Variants in SOX6 observed in about 807,000 individuals in gnomAD.
The protein encoded by SOX6 is SRY-box transcription factor 6.
SOX6 carries 11 observed loss-of-function variants against 97.8 expected under a neutral mutation model. That is an observed-to-expected ratio of 0.11 (90% CI 0.07 to 0.19). SOX6 has a LOEUF of 0.19. SOX6 is among the 10% of genes least tolerant of loss of function. The probability of loss-of-function intolerance (pLI) is 1.00; values close to 1 mark genes in which losing one functional copy is unlikely to be tolerated. For synonymous variants in SOX6, 360 were observed against 371.4 expected (o/e 0.97, Z 0.35); for missense variants, 810 against 1,039.5 (o/e 0.78, Z 3.04).
At chr11:16,691,802 G>T (rs1180079444) in intron 3 of SOX6, among the ~76,000 whole-genome samples, 2 of 152,044 alleles carry the variant, frequency 1.3e-5, no homozygotes, top group Non-Finnish European at 2.9e-5. Flanking sequence ...TGACTCAAAA[G>T]AAAGGAAGGG....
At chr11:16,054,636 C>T (rs2133919680) in intron 10 of SOX6, among the ~76,000 whole-genome samples, 1 of 152,248 alleles carries the variant, frequency 6.6e-6, no homozygotes, top group Admixed American at 6.5e-5. Context: ...AAAACAATTT[C>T]AGTGATTATA....
intron 4 of SOX6, among the ~76,000 whole-genome samples, chr11:16,541,198 A>G (rs1222168508): frequency 6.6e-6 from 1 of 152,058 alleles, no homozygotes; most frequent in Non-Finnish European, 1.5e-5. Flanking sequence ...CTTTGACAAA[A>G]CTAACAAAAA....
chr11:16,513,372 C>T (rs1183041870), intron 4 of SOX6, among the ~76,000 whole-genome samples: 1 of 152,222 alleles, frequency 6.6e-6, no homozygotes, highest in African/African-American at 2.4e-5. Context: ...GTGGCTCAGG[C>T]CTGTAATCCC....
chr11:16,325,220 T>C (rs1408570004), intron 2 of SOX6, among the ~76,000 whole-genome samples: 1 of 152,116 alleles, frequency 6.6e-6, no homozygotes, highest in Admixed American at 6.6e-5. Context: ...ATAGAAATAA[T>C]TTATTCACAA....
chr11:15,996,309 T>G (rs1393850992), intron 13 of SOX6, among the ~76,000 whole-genome samples: 2 of 152,102 alleles, frequency 1.3e-5, no homozygotes, highest in African/African-American at 4.8e-5. Context: ...GGTTTCATAG[T>G]GAATCCTTAG....
At chr11:15,974,320 T>C (rs1853398938) in intron 15 of SOX6, among the ~76,000 whole-genome samples, 3 of 150,552 alleles carry the variant, frequency 2.0e-5, no homozygotes, top group South Asian at 4.2e-4. Flanking sequence ...TCTGAATCTA[T>C]GAAGAAGTAG....
At chr11:16,627,964 A>G (rs1033184827) in intron 3 of SOX6, among the ~76,000 whole-genome samples, 1 of 152,030 alleles carries the variant, frequency 6.6e-6, no homozygotes, top group East Asian at 1.9e-4. Context: ...ATCTTGAGTT[A>G]ATTTTTATAT....
At chr11:16,164,194 CCTG>C (rs1345216281) in intron 6 of SOX6, among the ~76,000 whole-genome samples, 2 of 152,096 alleles carry the variant, frequency 1.3e-5, no homozygotes. Context: ...GTCTCAAACT[CCTG>C]GGCTCAAGCA....
At chr11:16,084,007 A>G (rs1848527357) in intron 9 of SOX6, among the ~76,000 whole-genome samples, 1 of 152,104 alleles carries the variant, frequency 6.6e-6, no homozygotes, top group African/African-American at 2.4e-5. Context: ...CAATAACATG[A>G]CATTTGTTTC....
intron 12 of SOX6, among the ~76,000 whole-genome samples, chr11:16,041,026 C>T (rs1362829484): frequency 6.6e-6 from 1 of 151,968 alleles, no homozygotes; most frequent in Non-Finnish European, 1.5e-5. Flanking sequence ...CTCTAATGTG[C>T]CCTGCATTCT....
Position 16,356,130 on chromosome 11 carries a change from T to C in SOX6, c.-41A>G, listed in dbSNP as rs1425458069. ...GCTCTTCCACTCTTCAATCCGGCTTTCTCTTACCACATCAGCCAGAACTTC... is the reference window on the plus strand; with the variant it reads ...GCTCTTCCACTCTTCAATCCGGCTTCCTCTTACCACATCAGCCAGAACTTC... On this transcript the variant is annotated 5_prime_UTR_variant, in exon 1 of 16. Transcript: ENST00000683767. 6.6e-6 allele frequency among the ~76,000 whole-genome samples: 1 copy of C among 151,440 alleles called. No individual in the cohort carries two copies. The highest frequency in any genetic ancestry group is 1.5e-5 in the Non-Finnish European group (1 of 67,912).
At chr11:16,709,140 T>G (rs2134046402) in intron 3 of SOX6, among the ~76,000 whole-genome samples, 1 of 152,268 alleles carries the variant, frequency 6.6e-6, no homozygotes, top group East Asian at 1.9e-4. Context: ...GGGAGGTGAT[T>G]GCATCATTGG....
At chr11:16,709,527 A>AT (rs1004139886) in intron 3 of SOX6, among the ~76,000 whole-genome samples, 1 of 152,008 alleles carries the variant, frequency 6.6e-6, no homozygotes, top group African/African-American at 2.4e-5. Flanking sequence ...CAAAAAAAAA[A>AT]GAAGTGTGTG....
At chr11:16,484,432 C>T in intron 4 of SOX6, 1 of 793,336 alleles carries the variant, frequency 1.3e-6, no homozygotes, top group East Asian at 2.4e-5. Context: ...GGTACATGCA[C>T]CACAGCTTAC....
intron 6 of SOX6, among the ~76,000 whole-genome samples, chr11:16,118,432 T>C (rs955412746): frequency 6.6e-6 from 1 of 152,266 alleles, no homozygotes; most frequent in African/African-American, 2.4e-5. Context: ...GTTCTGTCTC[T>C]TCCAATTCAT....
rs541487920 is a variant in SOX6 at position 16,390,106 on chromosome 11, T to A, written c.-4-48854A>T. 5.3e-5 allele frequency among the ~76,000 whole-genome samples: 8 copies of A among 151,202 alleles called. No individual in the cohort carries two copies. In the East Asian group the frequency reaches 1.0e-3, roughly 19 times the overall value. On this transcript the variant is annotated intron_variant, in intron 1 of 15. Transcript: ENST00000396356. ...CCTTACTTGGGCTACTTGAGATCAATCCTGTTCGTGGATGGTTTGGGGATC... is the reference window on the plus strand; with the variant it reads ...CCTTACTTGGGCTACTTGAGATCAAACCTGTTCGTGGATGGTTTGGGGATC...
chr11:16,337,018 T>C (rs1856482864), intron 2 of SOX6, among the ~76,000 whole-genome samples: 1 of 152,132 alleles, frequency 6.6e-6, no homozygotes, highest in Non-Finnish European at 1.5e-5. Flanking sequence ...TTGTCTGAAA[T>C]TGTCTCACTC....
intron 3 of SOX6, among the ~76,000 whole-genome samples, chr11:16,637,013 T>TA (rs1848799937): frequency 6.6e-6 from 1 of 152,190 alleles, no homozygotes; most frequent in Non-Finnish European, 1.5e-5. Flanking sequence ...TGTCCCCTTT[T>TA]CCTCTGCTAG....
intron 1 of SOX6, among the ~76,000 whole-genome samples, chr11:16,415,779 T>G (rs1353236874): frequency 1.3e-5 from 2 of 152,152 alleles, no homozygotes; most frequent in African/African-American, 4.8e-5. Context: ...ACTAGCAAAC[T>G]TCTAGATTAT....
Sources: gnomAD v4.1 joint callset for allele counts (sites outside exome capture counted in the v4.1 genomes callset) on GRCh38, gnomAD v4.1.1 for gene constraint, MANE v1.5 for transcripts, NCBI Gene and HGNC (gene_info 2026-07-23, HGNC 2026-07-21) for gene names.